TBC1D22A: variants seen among roughly 807,000 people sequenced by gnomAD.
TBC1D22A encodes TBC1 domain family member 22A, also known as putative GTPase activator.
A neutral mutation model predicts 60.2 loss-of-function variants in TBC1D22A; 38 were observed. That is an observed-to-expected ratio of 0.63 (90% confidence interval 0.49 to 0.83). The LOEUF (loss-of-function observed/expected upper bound fraction) is 0.83, where lower values mean the gene tolerates loss of function less well. TBC1D22A is among the 40% of genes least tolerant of loss of function. TBC1D22A has a pLI of 0.00. For synonymous variants in TBC1D22A, 302 were observed against 281.7 expected (o/e 1.07, Z -0.72); for missense variants, 628 against 701.0 (o/e 0.90, Z 1.18).
chr22:46,990,100 G>C lies in TBC1D22A; in HGVS notation c.1126-7534G>C, dbSNP rs1346947430. Among the ~76,000 whole-genome samples, 4 of 152,176 alleles carry C rather than the reference G, an allele frequency of 2.6e-5. No individual in the cohort carries two copies. In the East Asian group the frequency reaches 7.7e-4, roughly 29 times the overall value. The stretch of plus-strand genomic sequence containing the variant: ...ATTACAGATGTGCGCCACCGCGCCC[G>C]GCCGCAAAATGTAAGTTTTATTTAA... On this transcript the variant is annotated intron_variant, in intron 9 of 12. Transcript: ENST00000337137. The surrounding 1 kb of genome is among the most constrained non-coding windows in gnomAD (Gnocchi z 4.6).
chr22:46,934,360 G>C (rs1252609030), intron 8 of TBC1D22A, among the ~76,000 whole-genome samples: 1 of 152,220 alleles, frequency 6.6e-6, no homozygotes, highest in Admixed American at 6.5e-5. Flanking sequence ...TCGTGCTCTG[G>C]GGTGTGTGGT....
intron 8 of TBC1D22A, among the ~76,000 whole-genome samples, chr22:46,940,360 C>T (rs1486319809): frequency 6.6e-6 from 1 of 152,060 alleles, no homozygotes; most frequent in Admixed American, 6.6e-5. Flanking sequence ...ACACACAGTC[C>T]ACCCTTGAAC....
chr22:46,975,867 T>G (rs190635735), intron 9 of TBC1D22A, among the ~76,000 whole-genome samples: 1 of 152,328 alleles, frequency 6.6e-6, no homozygotes, highest in African/African-American at 2.4e-5. Flanking sequence ...AAGCCTGTTG[T>G]GCGGTTGGAG....
intron 11 of TBC1D22A, among the ~76,000 whole-genome samples, chr22:47,081,929 G>A (rs1230070902): frequency 2.0e-5 from 3 of 152,134 alleles, no homozygotes; most frequent in Non-Finnish European, 4.4e-5. Flanking sequence ...AGGCCGAGGC[G>A]GGTGGATCAC....
intron 8 of TBC1D22A, among the ~76,000 whole-genome samples, chr22:46,921,104 A>T (rs2070732172): frequency 6.6e-6 from 1 of 152,102 alleles, no homozygotes; most frequent in Non-Finnish European, 1.5e-5. Context: ...CTTTTATTTT[A>T]GGTTCAAGGG....
chr22:46,778,196 C>T lies in TBC1D22A; in HGVS notation c.63-14324C>T, dbSNP rs563568352. On this transcript the variant is annotated intron_variant, in intron 1 of 12. Transcript: ENST00000337137. ...GAGTGAATGGGAAGGTCTGGGTCCTCACTGTGCATCGTGTAGATGTCATTA... is the reference window on the plus strand; with the variant it reads ...GAGTGAATGGGAAGGTCTGGGTCCTTACTGTGCATCGTGTAGATGTCATTA... Among the ~76,000 whole-genome samples the T allele has an allele frequency of 2.0e-5, 3 of 152,172 alleles. No individual in the cohort carries two copies. In the South Asian group the frequency reaches 6.2e-4, roughly 32 times the overall value.
intron 9 of TBC1D22A, among the ~76,000 whole-genome samples, chr22:46,982,488 C>T (rs1456528635): frequency 6.6e-6 from 1 of 152,156 alleles, no homozygotes; most frequent in Non-Finnish European, 1.5e-5. Context: ...TCCCAAAGTG[C>T]TGGGATTACA....
intron 11 of TBC1D22A, among the ~76,000 whole-genome samples, chr22:47,109,717 C>T (rs2065776242): frequency 6.6e-6 from 1 of 152,166 alleles, no homozygotes; most frequent in African/African-American, 2.4e-5. Flanking sequence ...GTTGTTGAGG[C>T]CCATAGTGTC....
chr22:46,796,554 T>C (rs1040550865), intron 3 of TBC1D22A, among the ~76,000 whole-genome samples: 1 of 152,150 alleles, frequency 6.6e-6, no homozygotes, highest in Non-Finnish European at 1.5e-5. Context: ...TTTGGAGCCT[T>C]TCCCAGCCTC....
intron 4 of TBC1D22A, among the ~76,000 whole-genome samples, chr22:46,846,709 C>G (rs2087011953): frequency 6.6e-6 from 1 of 151,850 alleles, no homozygotes. Context: ...CTCATCTTCA[C>G]CCGGATTCGG....
At chr22:47,095,732 G>T (rs1451145978) in intron 11 of TBC1D22A, among the ~76,000 whole-genome samples, 1 of 152,218 alleles carries the variant, frequency 6.6e-6, no homozygotes, top group Non-Finnish European at 1.5e-5. Flanking sequence ...GAAACTCATG[G>T]CAGTTCTTAA....
Position 47,051,033 on chromosome 22 carries a change from C to T in TBC1D22A, c.1329+13835C>T, listed in dbSNP as rs141318591. ...CTTTGCTAAGGAGACCCTGTCTGGG[C>T]GGCGGCTCTGGGGCTTCCCCAGGGG... On this transcript the variant is annotated intron_variant, in intron 11 of 12. Transcript: ENST00000337137. 3.2e-3 allele frequency among the ~76,000 whole-genome samples: 494 copies of T among 152,286 alleles called. 2 individuals carry two copies. The highest frequency in any genetic ancestry group is 0.01 in the African/African-American group (422 of 41,552).
At chr22:46,781,700 C>T (rs1028967276) in intron 1 of TBC1D22A, among the ~76,000 whole-genome samples, 1 of 152,142 alleles carries the variant, frequency 6.6e-6, no homozygotes, top group African/African-American at 2.4e-5. Context: ...TCTGCCGGCC[C>T]CTCCCTGGCC....
intron 4 of TBC1D22A, among the ~76,000 whole-genome samples, chr22:46,856,881 G>A (rs1215188431): frequency 2.0e-5 from 3 of 152,308 alleles, no homozygotes; most frequent in East Asian, 3.9e-4. Flanking sequence ...ATTTCCTTGG[G>A]ACAGATTCCC....
chr22:47,107,939 A>G (rs575337512), intron 11 of TBC1D22A, among the ~76,000 whole-genome samples: 62 of 152,332 alleles, frequency 4.1e-4, no homozygotes, highest in African/African-American at 1.3e-3. Context: ...GAAAACCTTT[A>G]TGCCCTTGAG....
chr22:46,963,380 A>ATCACACTGCCTGCGCTGGGTCCCGC (rs1555971754), intron 8 of TBC1D22A, among the ~76,000 whole-genome samples: 1 of 151,380 alleles, frequency 6.6e-6, no homozygotes, highest in Admixed American at 6.6e-5. Context: ...CGCAGTGCCC[A>ATCACACTGCCTGCGCTGGGTCCCGC]AGGCTGGAAA....
chr22:46,803,470 A>G (rs917414162), intron 4 of TBC1D22A, among the ~76,000 whole-genome samples: 1 of 152,188 alleles, frequency 6.6e-6, no homozygotes, highest in Admixed American at 6.5e-5. Context: ...CCCGGCCCCC[A>G]GGAGCTGAGG....
chr22:46,918,122 A>G (rs940398661), intron 8 of TBC1D22A, among the ~76,000 whole-genome samples: 33 of 152,304 alleles, frequency 2.2e-4, no homozygotes, highest in Admixed American at 9.2e-4. Context: ...ACAGCTTAGA[A>G]CCAGGTATGG....
At chr22:46,774,143 A>T (rs1285808252) in intron 1 of TBC1D22A, 1 of 985,404 alleles carries the variant, frequency 1.0e-6, no homozygotes, top group Admixed American at 6.1e-5. Context: ...CTGCCCTTGG[A>T]GCCCTGCTGA....
Sources: allele counts gnomAD v4.1 joint callset (sites outside exome capture counted in the v4.1 genomes callset), GRCh38; gene constraint gnomAD v4.1.1; non-coding constraint Gnocchi (gnomAD v3.1); transcripts MANE v1.5; gene names NCBI Gene and HGNC (gene_info 2026-07-23, HGNC 2026-07-21).